ATP13A5: variants seen among roughly 807,000 people sequenced by gnomAD.
The protein encoded by ATP13A5 is ATPase 13A5, also known as probable cation-transporting ATPase 13A5.
A neutral mutation model predicts 150.2 loss-of-function variants in ATP13A5; 149 were observed. The observed-to-expected ratio is 0.99, with a 90% CI of 0.87 to 1.14. ATP13A5 has a LOEUF of 1.14. ATP13A5 is among the 50% of genes most tolerant of loss of function. The pLI, the probability that ATP13A5 is intolerant of heterozygous loss-of-function variation, is 0.00. For synonymous variants in ATP13A5, 497 were observed against 522.2 expected (o/e 0.95, Z 0.66); for missense variants, 1,383 against 1,449.3 (o/e 0.95, Z 0.74).
chr3:193,350,269 A>C (rs1413499042), intron 7 of ATP13A5, among the ~76,000 whole-genome samples: 1 of 152,158 alleles, frequency 6.6e-6, no homozygotes, highest in Non-Finnish European at 1.5e-5. Flanking sequence ...GGCATTAATA[A>C]ATAAATACAT....
At chr3:193,348,210 A>G (rs921446609) in intron 7 of ATP13A5, among the ~76,000 whole-genome samples, 17 of 152,184 alleles carry the variant, frequency 1.1e-4, no homozygotes, top group Admixed American at 8.5e-4. Flanking sequence ...CCTGATTTTC[A>G]TTAGGCCACC....
intron 1 of ATP13A5, among the ~76,000 whole-genome samples, chr3:193,377,210 A>G (rs994163363): frequency 1.3e-5 from 2 of 152,248 alleles, no homozygotes; most frequent in African/African-American, 2.4e-5. Context: ...AGCTAACAGA[A>G]TTGTTCAGCA....
chr3:193,351,050 G>A lies in ATP13A5; in HGVS notation c.741+17C>T, dbSNP rs369634546. The A allele has an allele frequency of 4.3e-5, 70 of 1,611,828 alleles. No homozygotes were observed. The South Asian group carries it at 6.1e-4, about 14-fold the overall frequency. ...GCTAGAAGCTAAATAGAATCTGGCT[G>A]TGATTTCAGGTCTTACCTGTCGCAA... On this transcript the variant is annotated intron_variant, in intron 7 of 29. Coordinates refer to ENST00000342358, the MANE Select transcript of ATP13A5 (RefSeq NM_198505.4).
At chr3:193,314,589 G>C (rs1181107308) in intron 18 of ATP13A5, among the ~76,000 whole-genome samples, 2 of 152,134 alleles carry the variant, frequency 1.3e-5, no homozygotes, top group South Asian at 2.1e-4. Context: ...GCTTGGGTTT[G>C]ACGATCATAC....
At chr3:193,280,107 G>A (rs535629634) in intron 27 of ATP13A5, among the ~76,000 whole-genome samples, 81 of 151,250 alleles carry the variant, frequency 5.4e-4, no homozygotes, top group Non-Finnish European at 8.4e-4. Context: ...CTGGAGTGCA[G>A]TGGCACGATC....
At chr3:193,374,087 G>A (rs952916567) in intron 1 of ATP13A5, among the ~76,000 whole-genome samples, 5 of 152,130 alleles carry the variant, frequency 3.3e-5, no homozygotes, top group East Asian at 3.9e-4. Flanking sequence ...CTGTGGTCAC[G>A]GGAGCTGCTG....
At chr3:193,312,965 CTG>C (rs1209829934) in intron 19 of ATP13A5, 1 of 152,150 alleles carries the variant, frequency 6.6e-6, no homozygotes, top group Non-Finnish European at 1.5e-5. Flanking sequence ...AGGCCTGAAA[CTG>C]TGATACAGCT....
chr3:193,315,135 A>G (rs1265488830), intron 17 of ATP13A5, 39 bp from the exon 18 acceptor site: 8 of 1,589,480 alleles, frequency 5.0e-6, no homozygotes, highest in Non-Finnish European at 6.9e-6. Context: ...AAGTATATCT[A>G]CGTAGGCTCC....
intron 7 of ATP13A5, among the ~76,000 whole-genome samples, chr3:193,347,356 G>A (rs77294583): frequency 0.97 from 146,886 of 152,124 alleles, 70,941 homozygotes; most frequent in African/African-American, 0.99. Context: ...CCAAATAAAA[G>A]GGGGTTGAAA....
chr3:193,307,097 C>A (rs1168350375), intron 22 of ATP13A5: 51 of 1,343,286 alleles, frequency 3.8e-5, no homozygotes, highest in Non-Finnish European at 4.6e-5. Flanking sequence ...GTCTAAGTAG[C>A]CTTCCTTTGT....
At chr3:193,315,196 A>G in intron 17 of ATP13A5, 100 bp from the exon 18 acceptor site, 1 of 1,182,754 alleles carries the variant, frequency 8.5e-7, no homozygotes, top group Non-Finnish European at 1.2e-6. Context: ...TATTAATGCA[A>G]TACAGGCACA....
Position 193,333,737 on chromosome 3 carries a change from C to A in ATP13A5, c.1272+13G>T, listed in dbSNP as rs1442988606. On this transcript the variant is annotated intron_variant, in intron 11 of 29. Transcript: ENST00000342358. ...AATCTATACTATTGAAAAGCCTTAC[C>A]CCCAGTACTTACTCCATGGTACATA... 1 of 1,611,508 alleles carries A rather than the reference C, an allele frequency of 6.2e-7. No homozygotes were observed. The highest frequency in any genetic ancestry group is 1.1e-5 in the South Asian group (1 of 90,736).
At chr3:193,343,826 C>G (rs534526514) in intron 9 of ATP13A5, 101 bp downstream of exon 9, 1 of 1,381,944 alleles carries the variant, frequency 7.2e-7, no homozygotes. Context: ...CCTCACCTAT[C>G]TCTGAATATC....
At chr3:193,358,501 A>G (rs1712877953) in intron 5 of ATP13A5, among the ~76,000 whole-genome samples, 1 of 152,224 alleles carries the variant, frequency 6.6e-6, no homozygotes, top group South Asian at 2.1e-4. Flanking sequence ...AAATTGCTTT[A>G]TGGAAGGAAA....
rs1719415118 is a variant in ATP13A5, at chr3:193,324,878, C to G, written c.1660G>C (p.Glu554Gln). The change falls in exon 14 of 30, where the codon GAG becomes CAG. Residue 554 changes from glutamate (E) to glutamine (Q), a missense_variant. By Grantham distance (29) the Glu-to-Gln change is conservative. Coordinates refer to ENST00000342358, the MANE Select transcript of ATP13A5 (RefSeq NM_198505.4). The stretch of plus-strand genomic sequence containing the variant: ...TATCACCTTACCCAGGCAGTGCCCT[C>G]AAACATTTTGAGGTCCAGAGGGTCT... ...QGDPLDLKMF[E>Q]GTAWKMEDCI... The G allele has an allele frequency of 6.2e-7, 1 of 1,613,896 alleles. No individual in the cohort carries two copies. Among genetic ancestry groups the G allele is most frequent in the Non-Finnish European group, 8.5e-7 (1 of 1,179,968 alleles).
At chr3:193,368,399 T>TGTGA (rs1413172870) in intron 1 of ATP13A5, among the ~76,000 whole-genome samples, 1 of 149,080 alleles carries the variant, frequency 6.7e-6, no homozygotes, top group East Asian at 1.9e-4. Context: ...GACTTGTGTG[T>TGTGA]GTGTGTGTGT....
chr3:193,275,421 T>A, intron 29 of ATP13A5, 119 bp from the exon 30 acceptor site: 1 of 1,148,132 alleles, frequency 8.7e-7, no homozygotes, highest in Non-Finnish European at 1.2e-6. Context: ...CTCATTGCTG[T>A]TGCATCTACC....
intron 1 of ATP13A5, among the ~76,000 whole-genome samples, chr3:193,365,239 A>G (rs973658788): frequency 4.6e-5 from 7 of 152,134 alleles, no homozygotes; most frequent in Non-Finnish European, 1.0e-4. Context: ...TATCATGTTT[A>G]GAAACTTAGT....
intron 1 of ATP13A5, among the ~76,000 whole-genome samples, chr3:193,367,629 C>T (rs990158505): frequency 6.6e-6 from 1 of 152,056 alleles, no homozygotes; most frequent in Non-Finnish European, 1.5e-5. Context: ...TTTAGTACAT[C>T]ACTACCAAAT....
Sources: gnomAD v4.1 joint callset for allele counts (sites outside exome capture counted in the v4.1 genomes callset) on GRCh38, gnomAD v4.1.1 for gene constraint, MANE v1.5 for transcripts, NCBI Gene and HGNC (gene_info 2026-07-23, HGNC 2026-07-21) for gene names.